The following CNTN3 variants were observed in gnomAD, a reference collection of about 807,000 sequenced individuals.
CNTN3 encodes contactin-3.
A neutral mutation model predicts 119.1 loss-of-function variants in CNTN3; 60 were observed. The observed-to-expected ratio is 0.50, with a 90% CI of 0.41 to 0.62. The LOEUF (loss-of-function observed/expected upper bound fraction) is 0.62, where lower values mean the gene tolerates loss of function less well. CNTN3 is among the 20% of genes least tolerant of loss of function. CNTN3 has a pLI of 0.00. For synonymous variants in CNTN3, 450 were observed against 438.7 expected, an observed-to-expected ratio of 1.03 and a Z score of -0.32; for missense variants, 1,101 against 1,242.4, an observed-to-expected ratio of 0.89 and a Z score of 1.71.
At chr3:74,448,953 C>T (rs1325031132) in intron 4 of CNTN3, among the ~76,000 whole-genome samples, 1 of 151,862 alleles carries the variant, frequency 6.6e-6, no homozygotes, top group Non-Finnish European at 1.5e-5. Flanking sequence ...ATTTATAAAC[C>T]AACATGTTTC....
At chr3:74,317,985 T>C (rs959312415) in intron 13 of CNTN3, among the ~76,000 whole-genome samples, 26 of 152,196 alleles carry the variant, frequency 1.7e-4, no homozygotes, top group African/African-American at 4.1e-4. Flanking sequence ...CAATCAGACG[T>C]AGATTTGGTA....
chr3:74,334,380 G>T (rs561364612), intron 13 of CNTN3, among the ~76,000 whole-genome samples: 2 of 152,170 alleles, frequency 1.3e-5, no homozygotes, highest in African/African-American at 4.8e-5. Context: ...GAGACACTTA[G>T]TAAGTGCAGC....
At chr3:74,500,688 G>C (rs1703152059) in intron 2 of CNTN3, among the ~76,000 whole-genome samples, 1 of 151,866 alleles carries the variant, frequency 6.6e-6, no homozygotes, top group African/African-American at 2.4e-5. Flanking sequence ...CAATGAACTG[G>C]CATTTTGGCT....
chr3:74,354,774 G>C (rs1173844610), intron 11 of CNTN3, among the ~76,000 whole-genome samples: 1 of 152,080 alleles, frequency 6.6e-6, no homozygotes, highest in Non-Finnish European at 1.5e-5. Context: ...CTGAATGCCA[G>C]TAATTATGAC....
At chr3:74,466,746 T>A (rs1480422667) in intron 4 of CNTN3, among the ~76,000 whole-genome samples, 1 of 152,096 alleles carries the variant, frequency 6.6e-6, no homozygotes, top group African/African-American at 2.4e-5. Context: ...GTATTTAACA[T>A]AAAAATTTTC....
intron 11 of CNTN3, among the ~76,000 whole-genome samples, chr3:74,360,398 C>G (rs766955463): frequency 6.6e-6 from 1 of 152,126 alleles, no homozygotes; most frequent in East Asian, 1.9e-4. Context: ...TAGAGTCAAA[C>G]AGAATGGCTC....
In CNTN3 at chr3:74,270,170, G is replaced by T. The variant is rs1701743626; in HGVS notation, c.2705-2792C>A. Among the ~76,000 whole-genome samples, 3 of 152,226 alleles carry T rather than the reference G, an allele frequency of 2.0e-5. No individual in the cohort carries two copies. In the South Asian group the frequency reaches 6.2e-4, roughly 32 times the overall value. ...CTCACTGATGTTGGCGTTGGCTATG[G>T]GACTTGTGGTTCCCTGCCTGTAAAT... On this transcript the variant is annotated intron_variant, in intron 20 of 22. Coordinates refer to ENST00000263665, the MANE Select transcript of CNTN3 (RefSeq NM_020872.3).
chr3:74,493,208 A>T (rs1703000064), intron 3 of CNTN3, among the ~76,000 whole-genome samples: 1 of 152,148 alleles, frequency 6.6e-6, no homozygotes. Context: ...ATAAACACAG[A>T]TCTATGTTGT....
chr3:74,330,231 C>T lies in CNTN3; in HGVS notation c.1668+4504G>A, dbSNP rs141811329. Among the ~76,000 whole-genome samples the T allele has an allele frequency of 9.8e-3, 1,490 of 151,980 alleles. 34 individuals are homozygous for T. The highest frequency in any genetic ancestry group is 0.034 in the African/African-American group (1,410 of 41,452). On this transcript the variant is annotated intron_variant, in intron 13 of 22. Transcript: ENST00000263665. ...ATTAGCCGGACACGGTGGTGCATGCCGGTAGTCCCAGCTAGTAGGGAGGCT... is the reference window on the plus strand; with the variant it reads ...ATTAGCCGGACACGGTGGTGCATGCTGGTAGTCCCAGCTAGTAGGGAGGCT...
At chr3:74,516,075 C>T (rs1703445839) in intron 2 of CNTN3, among the ~76,000 whole-genome samples, 2 of 152,034 alleles carry the variant, frequency 1.3e-5, no homozygotes, top group Admixed American at 6.6e-5. Context: ...AGGCTTAGTG[C>T]AGCTGAAAAC....
intron 2 of CNTN3, among the ~76,000 whole-genome samples, chr3:74,515,969 C>A (rs116262311): frequency 6.6e-6 from 1 of 151,938 alleles, no homozygotes; most frequent in Admixed American, 6.6e-5. Context: ...ATCTCCCAAT[C>A]GCTGATAAGT....
At chr3:74,340,199 A>G (rs946965107) in intron 11 of CNTN3, among the ~76,000 whole-genome samples, 1 of 152,150 alleles carries the variant, frequency 6.6e-6, no homozygotes, top group Non-Finnish European at 1.5e-5. Context: ...TAAGGGCTTG[A>G]GCATCCATGG....
chr3:74,407,198 T>C (rs1268928872), intron 5 of CNTN3, among the ~76,000 whole-genome samples: 1 of 151,720 alleles, frequency 6.6e-6, no homozygotes, highest in Non-Finnish European at 1.5e-5. Context: ...ATTGTGTGGG[T>C]GCTAGAAGCA....
rs764544110 is a variant in CNTN3 at position 74,499,792 on chromosome 3, G to A, written c.56-7C>T. The A allele has an allele frequency of 1.3e-6, 2 of 1,582,698 alleles. No individual in the cohort carries two copies. Among genetic ancestry groups the A allele is most frequent in the Non-Finnish European group, 1.7e-6 (2 of 1,170,282 alleles). The stretch of plus-strand genomic sequence containing the variant: ...CCTTGTAAGAGAAGCTCACCTATAT[G>A]GGTGGGAGACATCCAAAAAATAATA... On this transcript the variant is annotated splice_region_variant and splice_polypyrimidine_tract_variant and intron_variant, in intron 2 of 22. Coordinates refer to ENST00000263665, the MANE Select transcript of CNTN3 (RefSeq NM_020872.3).
intron 4 of CNTN3, among the ~76,000 whole-genome samples, chr3:74,461,856 T>A (rs1302815917): frequency 6.6e-6 from 1 of 152,096 alleles, no homozygotes; most frequent in East Asian, 1.9e-4. Flanking sequence ...TGTTTCTCAA[T>A]TCTTCAACAT....
In CNTN3 at chr3:74,463,122, G is replaced by C. The variant is rs147775771; in HGVS notation, c.358+23334C>G. On this transcript the variant is annotated intron_variant, in intron 4 of 22. Coordinates refer to ENST00000263665, the MANE Select transcript of CNTN3 (RefSeq NM_020872.3). ...ATAACACAACATCAAACTGAGCTCAGTAATCTAATCGTTGGTTCAATGAAG... is the reference window on the plus strand; with the variant it reads ...ATAACACAACATCAAACTGAGCTCACTAATCTAATCGTTGGTTCAATGAAG... Among the ~76,000 whole-genome samples the C allele has an allele frequency of 2.1e-3, 313 of 152,226 alleles. 1 individual carries two copies. The highest frequency in any genetic ancestry group is 0.011 in the East Asian group (55 of 5,166).
chr3:74,589,084 A>G (rs1397552593), intron 1 of CNTN3, among the ~76,000 whole-genome samples: 1 of 150,988 alleles, frequency 6.6e-6, no homozygotes, highest in East Asian at 2.0e-4. Context: ...AGCAATGGCA[A>G]CAAAAGCCAA....
chr3:74,287,170 T>A (rs1342405816), intron 19 of CNTN3, among the ~76,000 whole-genome samples: 1 of 152,186 alleles, frequency 6.6e-6, no homozygotes, highest in Non-Finnish European at 1.5e-5. Flanking sequence ...AAAACTCCAA[T>A]TTCTTGATGA....
At chr3:74,509,414 C>G (rs1477192909) in intron 2 of CNTN3, among the ~76,000 whole-genome samples, 1 of 151,428 alleles carries the variant, frequency 6.6e-6, no homozygotes, top group African/African-American at 2.4e-5. Context: ...TCTCCTGCCT[C>G]AGCCTCCTGA....
Sources: allele counts gnomAD v4.1 joint callset (sites outside exome capture counted in the v4.1 genomes callset), GRCh38; gene constraint gnomAD v4.1.1; transcripts MANE v1.5; gene names NCBI Gene and HGNC (gene_info 2026-07-23, HGNC 2026-07-21).